Variants in PXDNL observed in about 807,000 individuals in gnomAD.
PXDNL encodes the protein peroxidasin like.
In PXDNL, 145 loss-of-function variants were observed where a neutral mutation model predicts 150.8. The ratio of observed to expected loss-of-function variants is 0.96; its 90% confidence interval spans 0.84 to 1.10. The LOEUF is 1.10. Among genes scored for constraint, PXDNL ranks in the 50% least tolerant of loss-of-function variants. The pLI, the probability that PXDNL is intolerant of heterozygous loss-of-function variation, is 0.00. For missense variants in PXDNL, 2,087 were observed against 1,873.9 expected, an observed-to-expected ratio of 1.11 and a Z score of -2.10; for synonymous variants, 757 against 725.7, an observed-to-expected ratio of 1.04 and a Z score of -0.69.
At chr8:51,630,713 A>G (rs1324849435) in intron 2 of PXDNL, among the ~76,000 whole-genome samples, 1 of 152,116 alleles carries the variant, frequency 6.6e-6, no homozygotes, top group Non-Finnish European at 1.5e-5. Flanking sequence ...GAGAAATGTA[A>G]ATCAAACCCA....
intron 5 of PXDNL, among the ~76,000 whole-genome samples, chr8:51,492,845 C>G (rs1324999712): frequency 6.6e-6 from 1 of 152,204 alleles, no homozygotes; most frequent in African/African-American, 2.4e-5. Flanking sequence ...CTGTAGACTC[C>G]ACCTCTGGGG....
chr8:51,456,468 C>A (rs1809940020), intron 9 of PXDNL, among the ~76,000 whole-genome samples: 1 of 152,220 alleles, frequency 6.6e-6, no homozygotes, highest in Admixed American at 6.5e-5. Context: ...CTCCCCTCCA[C>A]TGGGATGGGC....
intron 6 of PXDNL, among the ~76,000 whole-genome samples, chr8:51,476,735 A>G (rs909476718): frequency 7.2e-5 from 11 of 152,220 alleles, no homozygotes; most frequent in African/African-American, 2.4e-4. Flanking sequence ...AAGTCTGTCT[A>G]TGGTGGCAGT....
chr8:51,678,148 T>C (rs1224000908), intron 1 of PXDNL, among the ~76,000 whole-genome samples: 2 of 152,244 alleles, frequency 1.3e-5, no homozygotes, highest in Non-Finnish European at 2.9e-5. Context: ...GCATTTGTCC[T>C]GACGCAGCTC....
chr8:51,685,836 ATT>A (rs1337736697), intron 1 of PXDNL, among the ~76,000 whole-genome samples: 1 of 152,120 alleles, frequency 6.6e-6, no homozygotes, highest in African/African-American at 2.4e-5. Context: ...ATATTGGCAT[ATT>A]GTTATGTTTT....
intron 3 of PXDNL, among the ~76,000 whole-genome samples, chr8:51,578,210 T>G (rs919943802): frequency 6.6e-6 from 1 of 152,010 alleles, no homozygotes; most frequent in East Asian, 1.9e-4. Flanking sequence ...ATAATATGCT[T>G]ATGTATGTAA....
At chr8:51,660,091 T>C (rs931224640) in intron 1 of PXDNL, among the ~76,000 whole-genome samples, 4 of 152,074 alleles carry the variant, frequency 2.6e-5, no homozygotes, top group Admixed American at 2.6e-4. Flanking sequence ...GGTTTCACCA[T>C]GTTGGCCAGG....
At chr8:51,411,693 TG>T (rs944644721) in intron 15 of PXDNL, among the ~76,000 whole-genome samples, 16 of 152,202 alleles carry the variant, frequency 1.1e-4, no homozygotes, top group African/African-American at 3.9e-4. Context: ...GGTTCTAAAC[TG>T]GGGGGGTCGG....
chr8:51,567,376 C>T (rs908018518), intron 3 of PXDNL, among the ~76,000 whole-genome samples: 1 of 151,750 alleles, frequency 6.6e-6, no homozygotes, highest in Non-Finnish European at 1.5e-5. Context: ...ATGTTGAAGC[C>T]TTCAACTATC....
chr8:51,450,098 T>G (rs953143478), intron 10 of PXDNL, among the ~76,000 whole-genome samples: 1 of 152,184 alleles, frequency 6.6e-6, no homozygotes, highest in Admixed American at 6.6e-5. Context: ...TTCCTCCCCA[T>G]TTTAGACCAT....
intron 4 of PXDNL, among the ~76,000 whole-genome samples, chr8:51,541,169 A>G (rs113348302): frequency 0.052 from 7,818 of 151,456 alleles, 488 homozygotes; most frequent in African/African-American, 0.15. Context: ...GAGGCAGGAG[A>G]ATCACTTGAA....
intron 1 of PXDNL, among the ~76,000 whole-genome samples, chr8:51,799,073 T>C (rs1250382638): frequency 6.6e-6 from 1 of 152,222 alleles, no homozygotes; most frequent in East Asian, 1.9e-4. Context: ...AGGAACAAGA[T>C]AATTTCCTTT....
chr8:51,462,623 T>C (rs1297624132), intron 8 of PXDNL, among the ~76,000 whole-genome samples: 1 of 151,940 alleles, frequency 6.6e-6, no homozygotes, highest in Non-Finnish European at 1.5e-5. Context: ...AAAGAAGGAA[T>C]AAAATCTCTG....
intron 1 of PXDNL, among the ~76,000 whole-genome samples, chr8:51,655,779 TCTAAGGAA>T (rs1815136878): frequency 6.6e-6 from 1 of 152,084 alleles, no homozygotes; most frequent in African/African-American, 2.4e-5. Flanking sequence ...GGTTCAGAGC[TCTAAGGAA>T]AATGAACATC....
chr8:51,388,343 A>T (rs1249146270), intron 17 of PXDNL, among the ~76,000 whole-genome samples: 2 of 152,168 alleles, frequency 1.3e-5, no homozygotes, highest in Non-Finnish European at 2.9e-5. Flanking sequence ...GTTTGGGAAT[A>T]TATTAATCAG....
chr8:51,331,727 G>A (rs1385671539), intron 21 of PXDNL, among the ~76,000 whole-genome samples: 1 of 151,852 alleles, frequency 6.6e-6, no homozygotes, highest in Admixed American at 6.6e-5. Flanking sequence ...TCACTTCCTC[G>A]ACAACCTGCA....
intron 3 of PXDNL, among the ~76,000 whole-genome samples, chr8:51,570,788 T>C (rs1185171824): frequency 1.3e-5 from 2 of 151,916 alleles, no homozygotes; most frequent in Non-Finnish European, 2.9e-5. Flanking sequence ...AGATATAAAC[T>C]GTATAAAATG....
Position 51,607,702 on chromosome 8 carries a change from C to T in PXDNL, c.237-15004G>A, listed in dbSNP as rs577097870. On this transcript the variant is annotated intron_variant, in intron 2 of 22. Coordinates refer to ENST00000356297, the MANE Select transcript of PXDNL (RefSeq NM_144651.5). ...CTAAAAATACAAAATTAGCCAGGCA[C>T]GGTGGTGCATGCCTGTAGTCCCACC... 4.1e-5 allele frequency among the ~76,000 whole-genome samples: 6 copies of T among 148,100 alleles called. No individual in the cohort carries two copies. The South Asian group carries it at 6.2e-4, about 15-fold the overall frequency.
At chr8:51,768,013 G>C (rs2037250307) in intron 1 of PXDNL, among the ~76,000 whole-genome samples, 1 of 152,166 alleles carries the variant, frequency 6.6e-6, no homozygotes. Context: ...CCTCTTAGTG[G>C]TTTCTAGGCT....
Sources: gnomAD v4.1 joint callset for allele counts (sites outside exome capture counted in the v4.1 genomes callset) on GRCh38, gnomAD v4.1.1 for gene constraint, MANE v1.5 for transcripts, NCBI Gene and HGNC (gene_info 2026-07-23, HGNC 2026-07-21) for gene names.